CCDC38: variants seen among roughly 807,000 people sequenced by gnomAD.
CCDC38 encodes coiled-coil domain containing 38.
CCDC38 carries 69 observed loss-of-function variants against 72.8 expected under a neutral mutation model. That is an observed-to-expected ratio of 0.95 (90% CI 0.78 to 1.16). The LOEUF (loss-of-function observed/expected upper bound fraction) is 1.16. Among genes scored for constraint, CCDC38 ranks in the 50% most tolerant of loss-of-function variants. CCDC38 has a pLI of 0.00. For synonymous variants in CCDC38, 201 were observed against 213.2 expected (o/e 0.94, Z 0.50); for missense variants, 626 against 638.9 (o/e 0.98, Z 0.22).
chr12:95,910,097 G>A lies in CCDC38; in HGVS notation c.305-3646C>T, dbSNP rs114175712. Among the ~76,000 whole-genome samples the A allele has an allele frequency of 6.4e-3, 968 of 152,252 alleles. 10 individuals are homozygous for A. Among genetic ancestry groups the A allele is most frequent in the African/African-American group, 0.022 (908 of 41,526 alleles). Reference sequence around the variant, plus strand: ...AAACAAAAGCATCCAAATAGGAAAAGAGGAAGTCAAATTATCTGTCTTCAC... The same window carrying A: ...AAACAAAAGCATCCAAATAGGAAAAAAGGAAGTCAAATTATCTGTCTTCAC... On this transcript the variant is annotated intron_variant, in intron 4 of 15. Coordinates refer to ENST00000344280, the MANE Select transcript of CCDC38 (RefSeq NM_182496.3).
chr12:95,879,648 T>C lies in CCDC38; in HGVS notation c.1138A>G (p.Lys380Glu), dbSNP rs1348229534. The C allele has an allele frequency of 1.9e-6, 3 of 1,583,472 alleles. No homozygotes were observed. The highest frequency in any genetic ancestry group is 1.1e-5 in the South Asian group (1 of 89,112). Residue 380 changes from lysine to glutamate, a missense_variant, in exon 12 of 16, where the codon AAA (lysine) becomes GAA (glutamate). Physicochemically the swap from Lys to Glu is moderately conservative, Grantham distance 56 (BLOSUM62 1). Transcript: ENST00000344280. The surrounding 1 kb of genome is among the most constrained non-coding windows in gnomAD (Gnocchi z 5.5). ...VNKREKVIQD[K>E]TNSNIEFLLE... is the part of the protein sequence containing the mutation. ...TACTTGTTTATAATGACTTACGTTT[T>C]ATCCTGTATAACTTTTTCTCTTTTG... is the stretch of plus-strand genomic sequence containing the variant.
intron 12 of CCDC38, 21 bp from the exon 13 acceptor site, chr12:95,878,367 G>T: frequency 6.2e-7 from 1 of 1,603,382 alleles, no homozygotes; most frequent in South Asian, 1.1e-5. Context: ...AGAAGAAAGA[G>T]ACCCTCATCT....
chr12:95,881,470 A>T lies in CCDC38; in HGVS notation c.990+15T>A, dbSNP rs2079699057. ...CCAAACCCAATATTTAAACTAGCAA[A>T]TATAATCTGGTTACCAAATCAACGT... On this transcript the variant is annotated intron_variant, in intron 11 of 15. Coordinates refer to ENST00000344280, the MANE Select transcript of CCDC38 (RefSeq NM_182496.3). 1 of 1,595,252 alleles carries T rather than the reference A, an allele frequency of 6.3e-7. No individual in the cohort carries two copies. Among genetic ancestry groups the T allele is most frequent in the East Asian group, 2.3e-5 (1 of 44,320 alleles).
intron 2 of CCDC38, among the ~76,000 whole-genome samples, chr12:95,932,611 T>C (rs773545042): frequency 6.6e-6 from 1 of 152,184 alleles, no homozygotes; most frequent in Non-Finnish European, 1.5e-5. Context: ...AACATAATCT[T>C]AAAATACATT....
chr12:95,914,896 G>A (rs1178976727), intron 4 of CCDC38, among the ~76,000 whole-genome samples: 1 of 151,948 alleles, frequency 6.6e-6, no homozygotes, highest in Non-Finnish European at 1.5e-5. Flanking sequence ...TCCTCATGGT[G>A]TTATCTAACA....
At chr12:95,903,908 T>G (rs1464769027) in intron 5 of CCDC38, 1 of 153,566 alleles carries the variant, frequency 6.5e-6, no homozygotes, top group Non-Finnish European at 1.4e-5. Flanking sequence ...CAGCATGAGT[T>G]GTGAGGTATT....
intron 4 of CCDC38, among the ~76,000 whole-genome samples, chr12:95,908,956 G>A (rs2080061084): frequency 6.6e-6 from 1 of 151,900 alleles, no homozygotes; most frequent in Non-Finnish European, 1.5e-5. Flanking sequence ...AATAATGTTT[G>A]CTTCATAAAA....
At chr12:95,887,579 G>C (rs1030222680) in intron 10 of CCDC38, among the ~76,000 whole-genome samples, 5 of 152,214 alleles carry the variant, frequency 3.3e-5, no homozygotes, top group African/African-American at 1.2e-4. Flanking sequence ...AGAACGCATT[G>C]GCGGTTGCCA....
At chr12:95,867,845 T>C (rs909771430) in intron 15 of CCDC38, among the ~76,000 whole-genome samples, 1 of 152,190 alleles carries the variant, frequency 6.6e-6, no homozygotes, top group Non-Finnish European at 1.5e-5. Flanking sequence ...AATGTATAAG[T>C]GGGGAAACTA....
chr12:95,892,758 A>G (rs545168044), intron 8 of CCDC38, among the ~76,000 whole-genome samples: 19 of 151,318 alleles, frequency 1.3e-4, no homozygotes, highest in African/African-American at 4.1e-4. Flanking sequence ...TTTAGTAGAG[A>G]CGGGGTTTCA....
chr12:95,881,636 C>T (rs1220418856), intron 10 of CCDC38, 82 bp from the exon 11 acceptor site: 1 of 1,050,232 alleles, frequency 9.5e-7, no homozygotes, highest in Non-Finnish European at 1.4e-6. Flanking sequence ...TCTAAATTGT[C>T]GTTGGAACCC....
At chr12:95,904,698 ATTGATTGACCATGTGG>A (rs1470903771) in intron 5 of CCDC38, among the ~76,000 whole-genome samples, 1 of 152,200 alleles carries the variant, frequency 6.6e-6, no homozygotes, top group Non-Finnish European at 1.5e-5. Flanking sequence ...GGCATGATTA[ATTGATTGACCATGTGG>A]TTGATCTGTC....
intron 2 of CCDC38, among the ~76,000 whole-genome samples, chr12:95,928,238 C>G (rs1332928410): frequency 6.6e-6 from 1 of 152,120 alleles, no homozygotes; most frequent in African/African-American, 2.4e-5. Flanking sequence ...TTGCTCGTTT[C>G]TTTTTGTTCT....
intron 2 of CCDC38, among the ~76,000 whole-genome samples, chr12:95,931,867 T>C (rs1229282151): frequency 6.6e-6 from 1 of 152,122 alleles, no homozygotes; most frequent in African/African-American, 2.4e-5. Flanking sequence ...GATCAAGTGG[T>C]ATTTAAAGGA....
At chr12:95,891,373 T>G (rs1189338466) in intron 8 of CCDC38, among the ~76,000 whole-genome samples, 2 of 152,084 alleles carry the variant, frequency 1.3e-5, no homozygotes, top group Non-Finnish European at 2.9e-5. Context: ...GGGGACAGGG[T>G]CTTGTTCTGT....
At chr12:95,888,537 G>C (rs748936401) in intron 9 of CCDC38, 31 bp from the exon 10 acceptor site, 1 of 1,606,848 alleles carries the variant, frequency 6.2e-7, no homozygotes, top group Non-Finnish European at 8.5e-7. Flanking sequence ...AGGCCATGCC[G>C]TTGGTGATGG....
chr12:95,918,143 A>G (rs1200183864), intron 3 of CCDC38, among the ~76,000 whole-genome samples: 1 of 152,202 alleles, frequency 6.6e-6, no homozygotes, highest in Non-Finnish European at 1.5e-5. Flanking sequence ...GAAAGAAAGA[A>G]AGTAAATCTA....
At chr12:95,911,518 G>A (rs2080094105) in intron 4 of CCDC38, among the ~76,000 whole-genome samples, 1 of 152,062 alleles carries the variant, frequency 6.6e-6, no homozygotes, top group South Asian at 2.1e-4. Flanking sequence ...CTAATATCCA[G>A]AATCTACAAG....
At chr12:95,936,379 G>T in intron 2 of CCDC38, 94 bp downstream of exon 2, 1 of 1,072,398 alleles carries the variant, frequency 9.3e-7, no homozygotes, top group Non-Finnish European at 1.3e-6. Flanking sequence ...TTATATTTAT[G>T]GTGTAACATT....
Sources: allele counts gnomAD v4.1 joint callset (sites outside exome capture counted in the v4.1 genomes callset), GRCh38; gene constraint gnomAD v4.1.1; non-coding constraint Gnocchi (gnomAD v3.1); transcripts MANE v1.5; gene names NCBI Gene and HGNC (gene_info 2026-07-23, HGNC 2026-07-21).